GPC5: variants seen among roughly 807,000 people sequenced by gnomAD.
GPC5 encodes glypican 5, also known as glypican-5.
In GPC5, 47 loss-of-function variants were observed where a neutral mutation model predicts 53.9. That is an observed-to-expected ratio of 0.87 (90% CI 0.69 to 1.11). The LOEUF is 1.11. Among genes scored for constraint, GPC5 ranks in the 50% most tolerant of loss-of-function variants. GPC5 has a pLI of 0.00. For synonymous variants in GPC5, 286 were observed against 263.3 expected, an observed-to-expected ratio of 1.09 and a Z score of -0.84; for missense variants, 748 against 713.1, an observed-to-expected ratio of 1.05 and a Z score of -0.56.
intron 7 of GPC5, among the ~76,000 whole-genome samples, chr13:92,246,182 G>T (rs1394117773): frequency 6.6e-6 from 1 of 152,012 alleles, no homozygotes; most frequent in African/African-American, 2.4e-5. Flanking sequence ...TAGCAACATA[G>T]GAAAGTCAAA....
At chr13:92,079,099 T>C (rs143227341) in intron 6 of GPC5, among the ~76,000 whole-genome samples, 17 of 152,326 alleles carry the variant, frequency 1.1e-4, no homozygotes, top group African/African-American at 4.1e-4. Flanking sequence ...TTGCCCAGGC[T>C]GGAGTGCAGT....
intron 7 of GPC5, among the ~76,000 whole-genome samples, chr13:92,605,576 G>GTTTTTTTTTTTTT (rs55887927): frequency 2.1e-5 from 3 of 139,668 alleles, no homozygotes; most frequent in African/African-American, 8.4e-5. Flanking sequence ...GTATTCACTA[G>GTTTTTTTTTTTTT]TTTTTTTTTT....
At chr13:91,706,244 CT>C (rs984684056) in intron 3 of GPC5, among the ~76,000 whole-genome samples, 2 of 151,304 alleles carry the variant, frequency 1.3e-5, no homozygotes, top group Non-Finnish European at 2.9e-5. Flanking sequence ...ATACTAAGAT[CT>C]GTAAAGTTAG....
intron 7 of GPC5, among the ~76,000 whole-genome samples, chr13:92,411,368 C>G (rs1399912283): frequency 1.3e-5 from 2 of 152,248 alleles, no homozygotes; most frequent in African/African-American, 4.8e-5. Flanking sequence ...TAGAAAACAT[C>G]CATTCAAAAA....
intron 7 of GPC5, among the ~76,000 whole-genome samples, chr13:92,587,556 C>T (rs1883577719): frequency 2.0e-5 from 3 of 151,926 alleles, no homozygotes; most frequent in Admixed American, 6.6e-5. Flanking sequence ...TCTTATTGTA[C>T]ATTATTTATG....
At chr13:91,508,256 A>G (rs1326672698) in intron 2 of GPC5, among the ~76,000 whole-genome samples, 1 of 152,236 alleles carries the variant, frequency 6.6e-6, no homozygotes, top group Non-Finnish European at 1.5e-5. Context: ...AGATGCTAAT[A>G]TAAAATTAGA....
intron 6 of GPC5, chr13:91,994,385 T>C (rs1299240808): frequency 6.6e-6 from 1 of 152,252 alleles, no homozygotes; most frequent in Non-Finnish European, 1.5e-5. Context: ...GAAGCCTGTG[T>C]TGGGCCATCA....
At chr13:92,865,639 A>C (rs1291002428) in intron 7 of GPC5, among the ~76,000 whole-genome samples, 1 of 152,128 alleles carries the variant, frequency 6.6e-6, no homozygotes, top group Non-Finnish European at 1.5e-5. Flanking sequence ...CCAAGAAGGT[A>C]CATTTCAAAT....
At chr13:91,770,441 G>A (rs1038167184) in intron 5 of GPC5, among the ~76,000 whole-genome samples, 4 of 152,076 alleles carry the variant, frequency 2.6e-5, no homozygotes, top group Non-Finnish European at 5.9e-5. Context: ...TTCTAATCAT[G>A]GTTTGGTTTT....
intron 7 of GPC5, among the ~76,000 whole-genome samples, chr13:92,728,045 G>C (rs1216148694): frequency 1.3e-5 from 2 of 151,260 alleles, no homozygotes; most frequent in Non-Finnish European, 3.0e-5. Flanking sequence ...TTTGGACTAT[G>C]GTGTTTTAAA....
chr13:92,279,899 G>A (rs954857165), intron 7 of GPC5, among the ~76,000 whole-genome samples: 6 of 151,866 alleles, frequency 4.0e-5, no homozygotes, highest in South Asian at 2.1e-4. Flanking sequence ...TTTTGATATC[G>A]GTCGAATTCT....
rs191223467 is a variant in GPC5, at chr13:91,673,708, G to A, written c.326-19479G>A. 4.0e-3 allele frequency among the ~76,000 whole-genome samples: 603 copies of A among 152,142 alleles called. 1 individual carries two copies. The highest frequency in any genetic ancestry group is 7.4e-3 in the Non-Finnish European group (502 of 67,992). ...TTTTTATTTTTATTTCTGCCCATGA[G>A]ACTTATTGATCTAAGAGGATTTAGC... is the stretch of plus-strand genomic sequence containing the variant. On this transcript the variant is annotated intron_variant, in intron 2 of 7. Transcript: ENST00000377067.
At chr13:92,354,279 T>C (rs2043504443) in intron 7 of GPC5, among the ~76,000 whole-genome samples, 1 of 152,214 alleles carries the variant, frequency 6.6e-6, no homozygotes, top group African/African-American at 2.4e-5. Flanking sequence ...GGATTCTTTA[T>C]AATTGCTACT....
At chr13:92,805,989 A>G (rs1877085309) in intron 7 of GPC5, among the ~76,000 whole-genome samples, 1 of 152,030 alleles carries the variant, frequency 6.6e-6, no homozygotes, top group African/African-American at 2.4e-5. Flanking sequence ...AAGCCAGGCT[A>G]GCTCTCCAGC....
At chr13:92,492,109 A>G (rs1368772967) in intron 7 of GPC5, among the ~76,000 whole-genome samples, 1 of 152,168 alleles carries the variant, frequency 6.6e-6, no homozygotes, top group Admixed American at 6.5e-5. Context: ...TTGTGCAACA[A>G]TACATATAGA....
At chr13:92,558,382 T>C (rs1882574060) in intron 7 of GPC5, among the ~76,000 whole-genome samples, 1 of 152,072 alleles carries the variant, frequency 6.6e-6, no homozygotes, top group Admixed American at 6.6e-5. Context: ...GAGATAGTTA[T>C]TTTGTAATTT....
intron 1 of GPC5, among the ~76,000 whole-genome samples, chr13:91,434,878 A>G (rs1879789834): frequency 1.3e-5 from 2 of 152,140 alleles, no homozygotes; most frequent in Admixed American, 6.6e-5. Context: ...AGTGGTTTGT[A>G]GTTCTCCTTG....
chr13:91,604,042 G>A lies in GPC5; in HGVS notation c.326-89145G>A, dbSNP rs578107847. Among the ~76,000 whole-genome samples the A allele has an allele frequency of 7.9e-3, 1,173 of 148,242 alleles. 12 individuals carry two copies. Among genetic ancestry groups the A allele is most frequent in the African/African-American group, 0.027 (1,094 of 39,964 alleles). ...ATGTATACATGTGCCATGCTGGTGCGCTGCACCCACTAACTCGTCATCTAG... is the reference window on the plus strand; with the variant it reads ...ATGTATACATGTGCCATGCTGGTGCACTGCACCCACTAACTCGTCATCTAG... On this transcript the variant is annotated intron_variant, in intron 2 of 7. Transcript: ENST00000377067.
intron 7 of GPC5, among the ~76,000 whole-genome samples, chr13:92,754,658 A>G (rs957662814): frequency 6.6e-6 from 1 of 151,570 alleles, no homozygotes; most frequent in Non-Finnish European, 1.5e-5. Flanking sequence ...ATGGAAAACA[A>G]AAAAAGGCAG....
Sources: gnomAD v4.1 joint callset for allele counts (sites outside exome capture counted in the v4.1 genomes callset) on GRCh38, gnomAD v4.1.1 for gene constraint, MANE v1.5 for transcripts, NCBI Gene and HGNC (gene_info 2026-07-23, HGNC 2026-07-21) for gene names.